Variants in HSPA4 observed in about 807,000 individuals in gnomAD.
HSPA4 encodes heat shock protein family A (Hsp70) member 4.
A neutral mutation model predicts 106.2 loss-of-function variants in HSPA4; 25 were observed. The observed-to-expected ratio is 0.24, with a 90% CI of 0.17 to 0.33. The LOEUF (loss-of-function observed/expected upper bound fraction) is 0.33. Ranked by LOEUF, HSPA4 falls within the 10% of genes least tolerant of loss-of-function variation. The pLI, the probability that HSPA4 is intolerant of heterozygous loss-of-function variation, is 1.00. For synonymous variants in HSPA4, 332 were observed against 333.6 expected (o/e 1.00, Z 0.05); for missense variants, 841 against 996.0 (o/e 0.84, Z 2.10).
chr5:133,097,129 A>T, intron 14 of HSPA4, 32 bp from the exon 15 acceptor site: 1 of 1,570,338 alleles, frequency 6.4e-7, no homozygotes, highest in Non-Finnish European at 8.7e-7. Context: ...AGTTGTCCTA[A>T]TGTCTGATTT....
chr5:133,086,593 G>A (rs1765581403), intron 7 of HSPA4, among the ~76,000 whole-genome samples, 189 bp from the exon 8 acceptor site: 1 of 152,190 alleles, frequency 6.6e-6, no homozygotes, highest in African/African-American at 2.4e-5. Flanking sequence ...TTGAGGAACT[G>A]CCAAACACTT....
chr5:133,054,194 G>GTTTATTTA (rs536069906), intron 1 of HSPA4, among the ~76,000 whole-genome samples: 5 of 151,566 alleles, frequency 3.3e-5, no homozygotes, highest in Non-Finnish European at 7.4e-5. Flanking sequence ...CCCTATTAAG[G>GTTTATTTA]TTTATTTATT....
At chr5:133,083,522 C>T (rs1581474871) in intron 7 of HSPA4, among the ~76,000 whole-genome samples, 1 of 151,924 alleles carries the variant, frequency 6.6e-6, no homozygotes, top group East Asian at 1.9e-4. Flanking sequence ...ATAAAGCCAT[C>T]AATTTTTAAT....
intron 16 of HSPA4, 176 bp from the exon 17 acceptor site, chr5:133,101,583 G>C: frequency 1.7e-6 from 1 of 572,412 alleles, no homozygotes; most frequent in East Asian, 3.3e-5. Flanking sequence ...TCAGTGTTGA[G>C]GTATAGTTTC....
In HSPA4 at chr5:133,100,402, CT is replaced by C. The variant is rs879319527; in HGVS notation, c.2037+762del. Reference sequence around the variant, plus strand: ...TGGTTTTGTATTTAAAGCATCTGATCTTTTTTTTTTTTGAGACGGAGCCTTG... The same window carrying C: ...TGGTTTTGTATTTAAAGCATCTGATCTTTTTTTTTTTGAGACGGAGCCTTG... On this transcript the variant is annotated intron_variant, in intron 16 of 18. Coordinates refer to ENST00000304858, the MANE Select transcript of HSPA4 (RefSeq NM_002154.4). Among the ~76,000 whole-genome samples the C allele has an allele frequency of 3.9e-3, 524 of 135,676 alleles. 2 individuals are homozygous for C. The highest frequency in any genetic ancestry group is 0.012 in the African/African-American group (452 of 36,916). The allele number at this position is 135,676 out of a possible 152,430, so 89.0% of individuals were successfully genotyped here.
intron 10 of HSPA4, 124 bp downstream of exon 10, chr5:133,089,285 G>A (rs1309717185): frequency 6.6e-6 from 4 of 608,846 alleles, no homozygotes; most frequent in Non-Finnish European, 8.2e-6. Flanking sequence ...TGAAGGAAGT[G>A]GTCATTTATT....
chr5:133,052,171 C>A lies in HSPA4; in HGVS notation c.-80C>A. On this transcript the variant is annotated 5_prime_UTR_variant, in exon 1 of 19. Coordinates refer to ENST00000304858, the MANE Select transcript of HSPA4 (RefSeq NM_002154.4). Reference sequence around the variant, plus strand: ...AGCCTCGGCCCAAGAGGCCTGCTTTCCACTCGCTAGCCCCGCCGGGGGTCC... The same window carrying A: ...AGCCTCGGCCCAAGAGGCCTGCTTTACACTCGCTAGCCCCGCCGGGGGTCC... 1 of 983,260 alleles carries A rather than the reference C, an allele frequency of 1.0e-6. No individual in the cohort carries two copies. Among genetic ancestry groups the A allele is most frequent in the Non-Finnish European group, 1.5e-6 (1 of 651,582 alleles). 60.9% of individuals were successfully genotyped at this position (983,260 alleles called of 1,614,324 possible). A position where few individuals can be genotyped will look rare whatever the true frequency, so the allele number is the denominator to read the frequency against.
At chr5:133,057,513 C>T (rs1022879314) in intron 1 of HSPA4, among the ~76,000 whole-genome samples, 2 of 152,112 alleles carry the variant, frequency 1.3e-5, no homozygotes, top group Admixed American at 6.5e-5. Flanking sequence ...TGCATGCCAC[C>T]GCGCCTAGCT....
At chr5:133,074,214 A>G (rs1052347768) in intron 6 of HSPA4, 88 bp downstream of exon 6, 6 of 833,678 alleles carry the variant, frequency 7.2e-6, no homozygotes, top group African/African-American at 5.3e-5. Context: ...CATCTACAAT[A>G]TGGGAGAAAC....
rs1765723980 is a variant in HSPA4, at chr5:133,097,239, A to G, written c.1882A>G (p.Met628Val). The stretch of plus-strand genomic sequence containing the variant: ...CGCAGTGGAGGAATATGTGTATGAA[A>G]TGAGAGACAAGCTTAGTGGTGAATA... ...KNAVEEYVYE[M>V]RDKLSGEYEK... Residue 628 changes from methionine to valine, a missense_variant, in exon 15 of 19, where the codon ATG becomes GTG. This residue lies in a region of HSPA4 where 328 missense variants were observed against 372.2 expected (regional missense o/e 0.88). Transcript: ENST00000304858. The G allele has an allele frequency of 1.2e-6, 2 of 1,613,128 alleles. No homozygotes were observed. Among genetic ancestry groups the G allele is most frequent in the Non-Finnish European group, 8.5e-7 (1 of 1,179,332 alleles).
chr5:133,075,097 G>A (rs1367910656), intron 6 of HSPA4, among the ~76,000 whole-genome samples: 2 of 151,974 alleles, frequency 1.3e-5, no homozygotes, highest in East Asian at 3.9e-4. Context: ...AAAAATAGAC[G>A]TTTCCACTTT....
intron 3 of HSPA4, among the ~76,000 whole-genome samples, chr5:133,069,248 T>C (rs1156838939): frequency 6.6e-6 from 1 of 151,970 alleles, no homozygotes; most frequent in Non-Finnish European, 1.5e-5. Flanking sequence ...TTGTTACTTA[T>C]TTAAAATTTT....
intron 7 of HSPA4, among the ~76,000 whole-genome samples, chr5:133,082,949 A>G (rs1416142578): frequency 2.0e-5 from 3 of 151,930 alleles, no homozygotes; most frequent in East Asian, 1.9e-4. Flanking sequence ...CAGCTGGCCA[A>G]TATGGTGAAA....
intron 4 of HSPA4, among the ~76,000 whole-genome samples, chr5:133,071,460 CA>C (rs1765380407): frequency 6.8e-6 from 1 of 147,330 alleles, no homozygotes; most frequent in Admixed American, 6.9e-5. Flanking sequence ...AAAACTTATC[CA>C]AAAAACAAAG....
intron 1 of HSPA4, among the ~76,000 whole-genome samples, chr5:133,063,816 C>T (rs777022344): frequency 1.6e-4 from 24 of 152,088 alleles, no homozygotes; most frequent in Non-Finnish European, 2.8e-4. Context: ...GGCTGGAGTG[C>T]AGTGGCACAA....
chr5:133,076,612 C>T (rs746120710), intron 6 of HSPA4, 42 bp from the exon 7 acceptor site: 10 of 1,565,596 alleles, frequency 6.4e-6, no homozygotes, highest in Non-Finnish European at 7.8e-6. Flanking sequence ...GTTTCAAAAT[C>T]GATTGGTTAA....
At chr5:133,054,511 A>G (rs1411791123) in intron 1 of HSPA4, among the ~76,000 whole-genome samples, 1 of 152,148 alleles carries the variant, frequency 6.6e-6, no homozygotes, top group African/African-American at 2.4e-5. Flanking sequence ...GCACAGCTTT[A>G]TTAAGGTTTA....
chr5:133,068,873 A>G (rs1029770455), intron 3 of HSPA4, among the ~76,000 whole-genome samples: 3 of 146,892 alleles, frequency 2.0e-5, no homozygotes, highest in Non-Finnish European at 2.9e-5. Context: ...ATGCAAGTCT[A>G]AAAGTGGTGG....
intron 10 of HSPA4, 122 bp downstream of exon 10, chr5:133,089,283 G>A: frequency 3.2e-6 from 2 of 615,998 alleles, no homozygotes; most frequent in Non-Finnish European, 5.4e-6. Context: ...CATGAAGGAA[G>A]TGGTCATTTA....
Sources: gnomAD v4.1 joint callset for allele counts (sites outside exome capture counted in the v4.1 genomes callset) on GRCh38, gnomAD v4.1.1 for gene constraint, gnomAD v4.1.1 regional missense constraint, MANE v1.5 for transcripts, NCBI Gene and HGNC (gene_info 2026-07-23, HGNC 2026-07-21) for gene names.